The following SCN4B variants were observed in gnomAD, a reference collection of about 807,000 sequenced individuals.
SCN4B encodes sodium voltage-gated channel beta subunit 4.
SCN4B carries 20 observed loss-of-function variants against 19.6 expected under a neutral mutation model. The observed-to-expected ratio is 1.02, with a 90% CI of 0.72 to 1.48. SCN4B has a LOEUF of 1.48. Ranked by LOEUF, SCN4B falls within the 40% of genes most tolerant of loss-of-function variation. The pLI is 0.00. For missense variants in SCN4B, 271 were observed against 287.5 expected (o/e 0.94, Z 0.42); for synonymous variants, 127 against 122.8 (o/e 1.03, Z -0.22).
intron 4 of SCN4B, among the ~76,000 whole-genome samples, 167 bp from the exon 5 acceptor site, chr11:118,137,287 C>A (rs1948028964): frequency 6.6e-6 from 1 of 152,148 alleles, no homozygotes; most frequent in South Asian, 2.1e-4. Flanking sequence ...ACCTCAGTCC[C>A]CTCATTTGTG....
At position 118,135,852 on chromosome 11, in the gene SCN4B, G is replaced by A. The variant is rs960617240; in HGVS notation, c.*1175C>T. ...CTGGGAGAAGCAAAGGAAAACTGTGGGCACCCACTCCCTGCTCCTCCCCAA... is the reference window on the plus strand; with the variant it reads ...CTGGGAGAAGCAAAGGAAAACTGTGAGCACCCACTCCCTGCTCCTCCCCAA... On this transcript the variant is annotated 3_prime_UTR_variant, in exon 5 of 5. Transcript: ENST00000324727. The A allele has an allele frequency of 4.2e-5, 19 of 454,286 alleles. No individual in the cohort carries two copies. Among genetic ancestry groups the A allele is most frequent in the African/African-American group, 2.0e-5 (1 of 49,960 alleles). 28.1% of individuals were successfully genotyped at this position (454,286 alleles called of 1,614,324 possible). A position where few individuals can be genotyped will look rare whatever the true frequency, so the allele number is the denominator to read the frequency against.
rs1489679973 is a variant in SCN4B at position 118,135,856 on chromosome 11, C to T, written c.*1171G>A. Reference sequence around the variant, plus strand: ...GAGAAGCAAAGGAAAACTGTGGGCACCCACTCCCTGCTCCTCCCCAACCCC... The same window carrying T: ...GAGAAGCAAAGGAAAACTGTGGGCATCCACTCCCTGCTCCTCCCCAACCCC... On this transcript the variant is annotated 3_prime_UTR_variant, in exon 5 of 5. Coordinates refer to ENST00000324727, the MANE Select transcript of SCN4B (RefSeq NM_174934.4). 9 of 454,306 alleles carry T rather than the reference C, an allele frequency of 2.0e-5. No individual in the cohort carries two copies. The highest frequency in any genetic ancestry group is 3.5e-5 in the Non-Finnish European group (8 of 226,728). The allele number at this position is 454,306 out of a possible 1,614,324, so 28.1% of individuals were successfully genotyped here.
intron 4 of SCN4B, among the ~76,000 whole-genome samples, chr11:118,140,417 C>T (rs1324485860): frequency 6.6e-6 from 1 of 152,206 alleles, no homozygotes; most frequent in African/African-American, 2.4e-5. Flanking sequence ...AATGTTTCAG[C>T]AAATAGGGGC....
chr11:118,145,179 C>G lies in SCN4B; in HGVS notation c.112G>C (p.Ala38Pro), dbSNP rs777894412. ...CCATTGACAGCGTAGATGTCGGTGG[C>G]CTTTCCCACAGACACCTCCAGCGAC... ...TLSLEVSVGK[A>P]TDIYAVNGTE... Residue 38 changes from alanine (A) to proline (P), a missense_variant, in exon 2 of 5, where the codon GCC becomes CCC. Coordinates refer to ENST00000324727, the MANE Select transcript of SCN4B (RefSeq NM_174934.4). 1.8e-4 allele frequency: 285 copies of G among 1,598,100 alleles called. 1 individual carries two copies. The South Asian group carries it at 3.1e-3, about 17-fold the overall frequency.
Position 118,143,860 on chromosome 11 carries a change from T to C in SCN4B, c.436A>G (p.Thr146Ala). The C allele has an allele frequency of 6.2e-7, 1 of 1,612,756 alleles. No homozygotes were observed. Among genetic ancestry groups the C allele is most frequent in the Non-Finnish European group, 8.5e-7 (1 of 1,179,968 alleles). ...CTATCAACGACTTGGAGGAAGATGG[T>C]GGCGTGGTGCTGGAGATTATTCTCC... is the stretch of plus-strand genomic sequence containing the variant. ...PKENNLQHHA[T>A]IFLQVVDRLE... is the part of the protein sequence containing the mutation. The change falls in exon 3 of 5, where the codon ACC becomes GCC. Residue 146 changes from threonine to alanine, a missense_variant. Transcript: ENST00000324727.
At position 118,134,899 on chromosome 11, in the gene SCN4B, A is replaced by G. The variant is rs1476805026; in HGVS notation, c.*2128T>C. ...TTACACCCATTTGGTAGATGGAAAG[A>G]GCTGAGCTGAGAGAAGCTGCATGAT... On this transcript the variant is annotated 3_prime_UTR_variant, in exon 5 of 5. Coordinates refer to ENST00000324727, the MANE Select transcript of SCN4B (RefSeq NM_174934.4). 3 of 453,990 alleles carry G rather than the reference A, an allele frequency of 6.6e-6. No homozygotes were observed. In the Admixed American group the frequency reaches 7.0e-5, roughly 11 times the overall value. 28.1% of individuals were successfully genotyped at this position (453,990 alleles called of 1,614,324 possible).
intron 4 of SCN4B, among the ~76,000 whole-genome samples, chr11:118,139,906 TTC>T (rs139551922): frequency 0.056 from 6,903 of 123,050 alleles, 261 homozygotes; most frequent in African/African-American, 0.08. Context: ...TTTTTCTTTT[TTC>T]TTTTTTTTTT....
intron 1 of SCN4B, among the ~76,000 whole-genome samples, chr11:118,150,908 G>A (rs530712328): frequency 1.3e-5 from 2 of 152,328 alleles, no homozygotes; most frequent in South Asian, 4.1e-4. Context: ...GGACAGAGCA[G>A]ATGAGGCCAG....
At position 118,133,938 on chromosome 11, in the gene SCN4B, C is replaced by T. The variant is rs1565450609; in HGVS notation, c.*3089G>A. ...GCTCCTCAAATGTCCAGCATCTGCC[C>T]ATCATGCATCACCCCTTACATGCAG... On this transcript the variant is annotated 3_prime_UTR_variant, in exon 5 of 5. Coordinates refer to ENST00000324727, the MANE Select transcript of SCN4B (RefSeq NM_174934.4). 6.6e-6 allele frequency: 3 copies of T among 454,600 alleles called. No homozygotes were observed. The highest frequency in any genetic ancestry group is 1.3e-5 in the Non-Finnish European group (3 of 226,806). The allele number at this position is 454,600 out of a possible 1,614,324, so 28.2% of individuals were successfully genotyped here. A position where few individuals can be genotyped will look rare whatever the true frequency, so the allele number is the denominator to read the frequency against.
chr11:118,139,901 C>CTTTTTTTTTTTTT (rs778719637), intron 4 of SCN4B, among the ~76,000 whole-genome samples: 2 of 104,586 alleles, frequency 1.9e-5, no homozygotes, highest in Admixed American at 1.1e-4. Context: ...TTTTTTTTTT[C>CTTTTTTTTTTTTT]TTTTTTCTTT....
intron 1 of SCN4B, among the ~76,000 whole-genome samples, chr11:118,151,007 A>T (rs1948228140): frequency 6.6e-6 from 1 of 152,078 alleles, no homozygotes. Context: ...CTAAACCTAT[A>T]TCAATAGGCC....
At position 118,136,190 on chromosome 11, in the gene SCN4B, C is replaced by T. The variant is rs912614533; in HGVS notation, c.*837G>A. ...GCTGCCAGCATTGGCAGCAATGGGG[C>T]GGGCATCCCAGAGGCCCAGGACACT... On this transcript the variant is annotated 3_prime_UTR_variant, in exon 5 of 5. Coordinates refer to ENST00000324727, the MANE Select transcript of SCN4B (RefSeq NM_174934.4). The T allele has an allele frequency of 1.1e-5, 5 of 452,378 alleles. No individual in the cohort carries two copies. The highest frequency in any genetic ancestry group is 1.4e-4 in the East Asian group (2 of 14,282). 28.0% of individuals were successfully genotyped at this position (452,378 alleles called of 1,614,324 possible). A position where few individuals can be genotyped will look rare whatever the true frequency, so the allele number is the denominator to read the frequency against.
intron 2 of SCN4B, among the ~76,000 whole-genome samples, 193 bp downstream of exon 2, chr11:118,144,864 C>T (rs996133629): frequency 1.3e-5 from 2 of 152,176 alleles, no homozygotes; most frequent in African/African-American, 4.8e-5. Flanking sequence ...CGAATTCTGG[C>T]AACACGATCT....
chr11:118,143,299 C>T (rs1232713292), intron 3 of SCN4B, among the ~76,000 whole-genome samples: 1 of 152,206 alleles, frequency 6.6e-6, no homozygotes, highest in African/African-American at 2.4e-5. Context: ...AGGACAAGGG[C>T]CATGTCTTAC....
intron 1 of SCN4B, chr11:118,145,739 C>T (rs1948165659): frequency 3.8e-6 from 1 of 264,032 alleles, no homozygotes; most frequent in South Asian, 4.0e-5. Flanking sequence ...AAGAGAAACG[C>T]GGCCGCCGCA....
At chr11:118,141,393 G>A (rs990106649) in intron 3 of SCN4B, 57 bp from the exon 4 acceptor site, 17 of 1,609,516 alleles carry the variant, frequency 1.1e-5, no homozygotes, top group East Asian at 2.2e-5. Flanking sequence ...GAGTCAACCT[G>A]GAGCCGAGAA....
chr11:118,137,358 A>G (rs1948030160), intron 4 of SCN4B, among the ~76,000 whole-genome samples: 1 of 152,166 alleles, frequency 6.6e-6, no homozygotes, highest in African/African-American at 2.4e-5. Context: ...AGCACTTAGA[A>G]CAGTGCCTGC....
intron 3 of SCN4B, chr11:118,141,824 T>C (rs1948102980): frequency 5.2e-6 from 1 of 193,612 alleles, no homozygotes; most frequent in South Asian, 9.2e-5. Context: ...CTGGCAATGT[T>C]GGGCAGGTCA....
intron 4 of SCN4B, 92 bp downstream of exon 4, chr11:118,141,115 G>A (rs1948091106): frequency 4.2e-6 from 6 of 1,435,762 alleles, no homozygotes; most frequent in Non-Finnish European, 5.9e-6. Flanking sequence ...TGGGGGGAAG[G>A]AGGAGGCAGG....
Sources: gnomAD v4.1 joint callset for allele counts (sites outside exome capture counted in the v4.1 genomes callset) on GRCh38, gnomAD v4.1.1 for gene constraint, MANE v1.5 for transcripts, NCBI Gene and HGNC (gene_info 2026-07-23, HGNC 2026-07-21) for gene names.